The following CFAP20DC variants were observed in gnomAD, a reference collection of about 807,000 sequenced individuals.
CFAP20DC encodes protein CFAP20DC.
CFAP20DC carries 84 observed loss-of-function variants against 101.7 expected under a neutral mutation model. The ratio of observed to expected loss-of-function variants is 0.83; its 90% CI spans 0.69 to 0.99. CFAP20DC has a LOEUF of 0.99. CFAP20DC is among the 50% of genes least tolerant of loss of function. The probability of loss-of-function intolerance (pLI) is 0.00; values close to 1 mark genes in which losing one functional copy is unlikely to be tolerated. For missense variants in CFAP20DC, 1,007 were observed against 970.3 expected (o/e 1.04, Z -0.50); for synonymous variants, 359 against 351.2 (o/e 1.02, Z -0.25).
chr3:59,014,597 T>C lies in CFAP20DC; in HGVS notation c.278+24960A>G, dbSNP rs1035124982. ...AAAGGTAGTGTTGTGGTAATTATAATATGCTGCTGCCTTTAATTATCTCAA... is the reference window on the plus strand; with the variant it reads ...AAAGGTAGTGTTGTGGTAATTATAACATGCTGCTGCCTTTAATTATCTCAA... On this transcript the variant is annotated intron_variant, in intron 4 of 16. Transcript: ENST00000482387. The surrounding 1 kb of genome is among the most constrained non-coding windows in gnomAD (Gnocchi z 4.9). Among the ~76,000 whole-genome samples, 19 of 152,186 alleles carry C rather than the reference T, an allele frequency of 1.2e-4. No individual in the cohort carries two copies. The highest frequency in any genetic ancestry group is 1.2e-3 in the Admixed American group (19 of 15,264).
intron 4 of CFAP20DC, among the ~76,000 whole-genome samples, chr3:58,963,906 G>C (rs952097353): frequency 6.6e-6 from 1 of 152,048 alleles, no homozygotes; most frequent in African/African-American, 2.4e-5. Flanking sequence ...ACACACAACT[G>C]ACCAGCATTT....
At chr3:58,918,746 G>C (rs1479893073) in intron 5 of CFAP20DC, among the ~76,000 whole-genome samples, 1 of 151,944 alleles carries the variant, frequency 6.6e-6, no homozygotes, top group Admixed American at 6.6e-5. Flanking sequence ...CAAACTGTCT[G>C]GATTTAGGTA....
chr3:59,004,345 A>C (rs1303414900), intron 4 of CFAP20DC, among the ~76,000 whole-genome samples: 1 of 152,172 alleles, frequency 6.6e-6, no homozygotes, highest in Non-Finnish European at 1.5e-5. Flanking sequence ...CCATAAACAA[A>C]TGAGAGCATG....
At chr3:58,842,391 A>G (rs1333210805) in intron 13 of CFAP20DC, among the ~76,000 whole-genome samples, 1 of 152,252 alleles carries the variant, frequency 6.6e-6, no homozygotes. Context: ...TCCGAGTCAA[A>G]GAAAGGGGTG....
intron 14 of CFAP20DC, among the ~76,000 whole-genome samples, chr3:58,829,721 G>A (rs1324613362): frequency 2.0e-5 from 3 of 152,154 alleles, no homozygotes; most frequent in African/African-American, 7.2e-5. Context: ...CTTTTCGAGT[G>A]GAATAGATGT....
chr3:58,776,760 G>C (rs2071375122), intron 15 of CFAP20DC, among the ~76,000 whole-genome samples: 1 of 151,302 alleles, frequency 6.6e-6, no homozygotes, highest in Non-Finnish European at 1.5e-5. Context: ...TAAGAGGATT[G>C]AGGGAAAAAA....
chr3:58,928,461 A>C (rs752362245), intron 5 of CFAP20DC, among the ~76,000 whole-genome samples: 22 of 152,160 alleles, frequency 1.4e-4, no homozygotes, highest in Non-Finnish European at 2.6e-4. Context: ...TCCCCACAAC[A>C]ACCTTAATGG....
intron 7 of CFAP20DC, among the ~76,000 whole-genome samples, chr3:58,872,332 A>AT (rs1445606124): frequency 1.3e-5 from 2 of 152,112 alleles, no homozygotes; most frequent in Non-Finnish European, 2.9e-5. Flanking sequence ...CTGTAGAGCT[A>AT]TAATTTTACA....
chr3:58,890,621 C>T (rs1186547032), intron 6 of CFAP20DC, among the ~76,000 whole-genome samples: 1 of 151,576 alleles, frequency 6.6e-6, no homozygotes. Flanking sequence ...ACGCTCCTCA[C>T]TTCCCAGATG....
At chr3:58,943,580 G>A (rs1480702037) in intron 4 of CFAP20DC, among the ~76,000 whole-genome samples, 5 of 152,120 alleles carry the variant, frequency 3.3e-5, no homozygotes, top group Non-Finnish European at 7.4e-5. Flanking sequence ...CACTAACATC[G>A]AAGACCAAAG....
intron 14 of CFAP20DC, among the ~76,000 whole-genome samples, chr3:58,816,643 C>T (rs2075181015): frequency 6.6e-6 from 1 of 152,168 alleles, no homozygotes; most frequent in African/African-American, 2.4e-5. Context: ...GGTCCTACGC[C>T]CACGGAATCT....
At position 58,756,575 on chromosome 3, in the gene CFAP20DC, C is replaced by A. The variant is rs115196654; in HGVS notation, c.2238-2712G>T. Among the ~76,000 whole-genome samples, 1,019 of 152,008 alleles carry A rather than the reference C, an allele frequency of 6.7e-3. 13 individuals are homozygous for A. The highest frequency in any genetic ancestry group is 0.024 in the African/African-American group (994 of 41,480). ...TTTTGTTGTTGTTGTGGATTACATA[C>A]AACATTAACAATCAAAAGTCAAAAC... is the stretch of plus-strand genomic sequence containing the variant. On this transcript the variant is annotated intron_variant, in intron 15 of 16. Coordinates refer to ENST00000482387, the MANE Select transcript of CFAP20DC (RefSeq NM_001394063.1).
intron 15 of CFAP20DC, among the ~76,000 whole-genome samples, chr3:58,759,112 CA>C (rs2069265996): frequency 6.6e-6 from 1 of 152,184 alleles, no homozygotes; most frequent in Non-Finnish European, 1.5e-5. Flanking sequence ...GGAATCGCCA[CA>C]CTGACTTCCA....
chr3:58,828,276 C>T (rs1464607636), intron 14 of CFAP20DC, among the ~76,000 whole-genome samples: 1 of 152,136 alleles, frequency 6.6e-6, no homozygotes, highest in South Asian at 2.1e-4. Flanking sequence ...AGCTAAACTT[C>T]ATTTATTAAG....
chr3:58,865,231 G>T lies in CFAP20DC; in HGVS notation c.1258+1335C>A, dbSNP rs9836791. Among the ~76,000 whole-genome samples the T allele has an allele frequency of 9.9e-3, 1,502 of 151,734 alleles. 24 individuals are homozygous for T. The highest frequency in any genetic ancestry group is 0.035 in the African/African-American group (1,454 of 41,372). ...GATCACAATAAAAGTAACCAAGAGA[G>T]ATCTAAGATTTGCAACTCTAAAGCC... On this transcript the variant is annotated intron_variant, in intron 11 of 16. Transcript: ENST00000482387.
intron 5 of CFAP20DC, among the ~76,000 whole-genome samples, chr3:58,925,308 C>G (rs919663637): frequency 1.3e-5 from 2 of 152,188 alleles, no homozygotes; most frequent in African/African-American, 4.8e-5. Flanking sequence ...CAATCATCCC[C>G]AACATGGCTA....
intron 4 of CFAP20DC, among the ~76,000 whole-genome samples, chr3:58,961,462 G>A (rs1442434812): frequency 2.6e-5 from 4 of 152,136 alleles, no homozygotes; most frequent in Admixed American, 6.5e-5. Context: ...GCTGAGGCAG[G>A]TGAATTGCTT....
chr3:58,990,827 C>T (rs866191774), intron 4 of CFAP20DC, among the ~76,000 whole-genome samples: 1 of 149,566 alleles, frequency 6.7e-6, no homozygotes, highest in Non-Finnish European at 1.5e-5. Context: ...AGTCTAAAAC[C>T]TGAAACATCT....
intron 6 of CFAP20DC, among the ~76,000 whole-genome samples, chr3:58,885,573 T>C (rs2081558526): frequency 6.6e-6 from 1 of 151,174 alleles, no homozygotes; most frequent in Non-Finnish European, 1.5e-5. Context: ...TATCTAGCCA[T>C]ACATTTGTAT....
Sources: allele counts gnomAD v4.1 joint callset (sites outside exome capture counted in the v4.1 genomes callset), GRCh38; gene constraint gnomAD v4.1.1; non-coding constraint Gnocchi (gnomAD v3.1); transcripts MANE v1.5; gene names NCBI Gene and HGNC (gene_info 2026-07-23, HGNC 2026-07-21).